Variants in ILRUN observed in about 807,000 individuals in gnomAD.
ILRUN encodes the protein inflammation and lipid regulator with UBA-like and NBR1-like domains.
Under a neutral mutation model 33.8 loss-of-function variants are expected in ILRUN, and 3 were observed. The observed-to-expected ratio is 0.09, with a 90% CI of 0.04 to 0.23. ILRUN has a LOEUF of 0.23. Among genes scored for constraint, ILRUN ranks in the 10% least tolerant of loss-of-function variants. The pLI is 1.00. For missense variants in ILRUN, 210 were observed against 375.1 expected, an observed-to-expected ratio of 0.56 and a Z score of 3.64; for synonymous variants, 124 against 138.9, an observed-to-expected ratio of 0.89 and a Z score of 0.75.
At chr6:34,669,731 T>C (rs527801941) in intron 1 of ILRUN, among the ~76,000 whole-genome samples, 4 of 151,888 alleles carry the variant, frequency 2.6e-5, no homozygotes, top group African/African-American at 9.7e-5. Context: ...CTAATTAACA[T>C]AACATAAATA....
At chr6:34,598,276 C>T (rs1761442732) in intron 4 of ILRUN, among the ~76,000 whole-genome samples, 2 of 152,178 alleles carry the variant, frequency 1.3e-5, no homozygotes, top group Non-Finnish European at 2.9e-5. Context: ...AGGGGAACAT[C>T]CCAGCTCTAA....
chr6:34,639,717 C>A (rs1279423862), intron 3 of ILRUN, among the ~76,000 whole-genome samples: 1 of 152,140 alleles, frequency 6.6e-6, no homozygotes, highest in Non-Finnish European at 1.5e-5. Context: ...GTATTAACAC[C>A]CTAGAACCAG....
intron 1 of ILRUN, among the ~76,000 whole-genome samples, chr6:34,682,930 T>A (rs901873105): frequency 8.2e-5 from 12 of 145,914 alleles, no homozygotes; most frequent in African/African-American, 2.8e-4. Flanking sequence ...AAAAAAAAAA[T>A]CCAGTCAGAG....
chr6:34,683,176 G>A (rs954093575), intron 1 of ILRUN, among the ~76,000 whole-genome samples: 1 of 150,650 alleles, frequency 6.6e-6, no homozygotes, highest in African/African-American at 2.4e-5. Context: ...ATGTGTATTT[G>A]TATATATGTG....
At chr6:34,676,266 G>A (rs1763227082) in intron 1 of ILRUN, among the ~76,000 whole-genome samples, 1 of 151,820 alleles carries the variant, frequency 6.6e-6, no homozygotes. Context: ...GGGCATGGCA[G>A]CACATTCCTG....
intron 3 of ILRUN, among the ~76,000 whole-genome samples, chr6:34,621,620 T>C (rs1035932387): frequency 6.6e-6 from 1 of 151,984 alleles, no homozygotes; most frequent in Non-Finnish European, 1.5e-5. Flanking sequence ...GCACTTTGGG[T>C]GGCCGAGGCA....
At chr6:34,603,088 G>A (rs1292563675) in intron 4 of ILRUN, among the ~76,000 whole-genome samples, 5 of 152,180 alleles carry the variant, frequency 3.3e-5, no homozygotes, top group African/African-American at 1.2e-4. Context: ...GTGGTCATAG[G>A]CTTCCAGAGC....
intron 1 of ILRUN, among the ~76,000 whole-genome samples, chr6:34,683,442 A>G (rs1231415112): frequency 0.015 from 1,087 of 71,632 alleles, 45 homozygotes; most frequent in African/African-American, 0.061. Flanking sequence ...ATATATATAC[A>G]TATATATATA....
chr6:34,609,394 A>G (rs1258933966), intron 3 of ILRUN, among the ~76,000 whole-genome samples: 2 of 152,224 alleles, frequency 1.3e-5, no homozygotes, highest in African/African-American at 4.8e-5. Context: ...GGAGGCTAAG[A>G]TGGGATAATT....
chr6:34,676,456 A>ATAGC lies in ILRUN; in HGVS notation c.158+19986_158+19989dup, dbSNP rs1221298812. 2.2e-3 allele frequency among the ~76,000 whole-genome samples: 326 copies of ATAGC among 151,200 alleles called. 1 individual carries two copies. Among genetic ancestry groups the ATAGC allele is most frequent in the African/African-American group, 6.7e-3 (273 of 40,806 alleles). On this transcript the variant is annotated intron_variant, in intron 1 of 4. Coordinates refer to ENST00000374023, the MANE Select transcript of ILRUN (RefSeq NM_024294.4). ...TAGCTAGCTAGCTAGATAGATAGAT[A>ATAGC]TAGCTAGCTAGCTAGCTAGCTAGAT...
intron 1 of ILRUN, among the ~76,000 whole-genome samples, chr6:34,670,397 G>A (rs1375385543): frequency 6.6e-6 from 1 of 152,082 alleles, no homozygotes; most frequent in Non-Finnish European, 1.5e-5. Context: ...TATTAAAATA[G>A]GTTAACTTAT....
rs565077992 is a variant in ILRUN, at chr6:34,654,904, T to A, written c.159-125A>T. ...GAACCTGAGGCTCCTGGTATACACGTCTTTAAAGCCTTCTATTCTGGCTGA... is the reference window on the plus strand; with the variant it reads ...GAACCTGAGGCTCCTGGTATACACGACTTTAAAGCCTTCTATTCTGGCTGA... On this transcript the variant is annotated intron_variant, in intron 1 of 4. Coordinates refer to ENST00000374023, the MANE Select transcript of ILRUN (RefSeq NM_024294.4). 1.3e-4 allele frequency: 102 copies of A among 764,096 alleles called. No individual in the cohort carries two copies. In the African/African-American group the frequency reaches 1.7e-3, roughly 13 times the overall value. 47.3% of individuals were successfully genotyped at this position (764,096 alleles called of 1,614,324 possible).
At chr6:34,660,090 C>A (rs1486685260) in intron 1 of ILRUN, among the ~76,000 whole-genome samples, 2 of 151,464 alleles carry the variant, frequency 1.3e-5, no homozygotes, top group Non-Finnish European at 2.9e-5. Context: ...TCACTTCAGC[C>A]CAGAAGTTTG....
At chr6:34,649,344 T>C (rs1762616210) in intron 2 of ILRUN, among the ~76,000 whole-genome samples, 1 of 152,094 alleles carries the variant, frequency 6.6e-6, no homozygotes, top group African/African-American at 2.4e-5. Context: ...GAAATCTGAG[T>C]TCGAGAAGTA....
intron 3 of ILRUN, among the ~76,000 whole-genome samples, chr6:34,611,883 C>T (rs192513809): frequency 6.6e-5 from 10 of 152,266 alleles, no homozygotes; most frequent in African/African-American, 2.4e-4. Context: ...CATAGGAACC[C>T]AAATACCCAG....
chr6:34,677,808 G>A (rs903583017), intron 1 of ILRUN, among the ~76,000 whole-genome samples: 1 of 151,944 alleles, frequency 6.6e-6, no homozygotes, highest in South Asian at 2.1e-4. Flanking sequence ...AATTAGCCAG[G>A]TGTGGTGGCA....
intron 1 of ILRUN, among the ~76,000 whole-genome samples, chr6:34,696,142 C>T (rs909787549): frequency 1.3e-5 from 2 of 152,162 alleles, no homozygotes; most frequent in Non-Finnish European, 2.9e-5. Flanking sequence ...TGCCTGGATG[C>T]CCAAGTCTTT....
At chr6:34,607,760 TG>T (rs1157070600) in intron 3 of ILRUN, among the ~76,000 whole-genome samples, 1 of 152,194 alleles carries the variant, frequency 6.6e-6, no homozygotes, top group Non-Finnish European at 1.5e-5. Flanking sequence ...TATTGAATAC[TG>T]TAGGCAACTG....
chr6:34,656,516 C>T (rs140624755), intron 1 of ILRUN, among the ~76,000 whole-genome samples: 7 of 152,180 alleles, frequency 4.6e-5, no homozygotes, highest in African/African-American at 1.7e-4. Flanking sequence ...TCTGGTCTTA[C>T]TCAAACCAGT....
Sources: allele counts gnomAD v4.1 joint callset (sites outside exome capture counted in the v4.1 genomes callset), GRCh38; gene constraint gnomAD v4.1.1; transcripts MANE v1.5; gene names NCBI Gene and HGNC (gene_info 2026-07-23, HGNC 2026-07-21).